DBN1: variants seen among roughly 807,000 people sequenced by gnomAD.
The protein encoded by DBN1 is drebrin.
Under a neutral mutation model 83.5 loss-of-function variants are expected in DBN1, and 21 were observed. The observed-to-expected ratio is 0.25, with a 90% CI of 0.18 to 0.36. DBN1 has a LOEUF of 0.36. DBN1 is among the 10% of genes least tolerant of loss of function. DBN1 has a pLI of 1.00. For missense variants in DBN1, 874 were observed against 935.7 expected, an observed-to-expected ratio of 0.93 and a Z score of 0.86; for synonymous variants, 381 against 384.9, an observed-to-expected ratio of 0.99 and a Z score of 0.12.
intron 1 of DBN1, chr5:177,472,331 C>T: frequency 6.6e-7 from 1 of 1,518,680 alleles, no homozygotes; most frequent in Non-Finnish European, 8.8e-7. Flanking sequence ...CCTCAGTTTC[C>T]TCAAGAAGAA....
At position 177,457,668 on chromosome 5, in the gene DBN1, G is replaced by A. The variant is rs764974700; in HGVS notation, c.2004C>T (p.Tyr668=). The change falls in exon 14 of 15, where the codon TAC becomes TAT. Residue 668 remains tyrosine (Y), a synonymous_variant. Coordinates refer to ENST00000393565, the MANE Select transcript of DBN1 (RefSeq NM_001363541.2). ...LCAKAPPPVF[Y]NKPPEIDITC... ...GCCCAGTACTACCTGGAGGCTTGTT[G>A]TAGAACACAGGAGGCGGAGCCTTGG... 9 of 1,602,244 alleles carry A rather than the reference G, an allele frequency of 5.6e-6. 1 individual carries two copies. In the South Asian group the frequency reaches 6.6e-5, roughly 12 times the overall value.
Position 177,459,274 on chromosome 5 carries a change from G to C in DBN1, c.1094-6C>G, listed in dbSNP as rs913765291. ...GTGGCTGTCCAGGTGGCTGCCTGTG[G>C]AACAAACCCCAGGTGGGTCAGTGAG... On this transcript the variant is annotated splice_region_variant and splice_polypyrimidine_tract_variant and intron_variant, in intron 11 of 14. Transcript: ENST00000393565. The C allele has an allele frequency of 2.2e-5, 35 of 1,604,398 alleles. No homozygotes were observed. Among genetic ancestry groups the C allele is most frequent in the Non-Finnish European group, 2.4e-5 (28 of 1,179,010 alleles).
intron 1 of DBN1, 169 bp downstream of exon 1, chr5:177,473,267 G>A: frequency 3.1e-6 from 1 of 324,704 alleles, no homozygotes; most frequent in Non-Finnish European, 5.4e-6. Context: ...TGGCCCGCCG[G>A]CCCCTCCCCC....
At chr5:177,464,498 A>G (rs11740377) in intron 8 of DBN1, among the ~76,000 whole-genome samples, 74,580 of 150,714 alleles carry the variant, frequency 0.49, 18,854 homozygotes, top group Non-Finnish European at 0.56. Context: ...GGTGGCTCAC[A>G]CCTGTAATTC....
rs1456274058 is a variant in DBN1 at position 177,457,480 on chromosome 5, C to T, written c.2041G>A (p.Ala681Thr). ...PPEIDITCWD[A>T]DPVPEEEEGF... ...TCCTCCTCTTCTGGAACTGGGTCTG[C>T]ATCCCAGCATGTGATGTCGATCTCT... Residue 681 changes from alanine (A) to threonine (T), a missense_variant, in exon 15 of 15, where the codon GCA becomes ACA. Ala to Thr is a moderately conservative substitution (Grantham distance 58). Coordinates refer to ENST00000393565, the MANE Select transcript of DBN1 (RefSeq NM_001363541.2). 1.2e-6 allele frequency: 2 copies of T among 1,614,070 alleles called. No homozygotes were observed. Among genetic ancestry groups the T allele is most frequent in the South Asian group, 1.1e-5 (1 of 91,086 alleles).
rs780856543 is a variant in DBN1 at position 177,462,569 on chromosome 5, G to A, written c.772-1866C>T. ...ACGCAGGATGAGGACCGGGGTCTCC[G>A]GGTGGGTGGCCAGCACAAGGCGGGC... On this transcript the variant is annotated intron_variant, in intron 8 of 14. Transcript: ENST00000393565. Among the ~76,000 whole-genome samples, 144 of 152,294 alleles carry A rather than the reference G, an allele frequency of 9.5e-4. 1 individual carries two copies. Among genetic ancestry groups the A allele is most frequent in the South Asian group, 1.5e-3 (7 of 4,820 alleles).
At chr5:177,469,051 G>A (rs906734029) in intron 1 of DBN1, 152 bp from the exon 2 acceptor site, 16 of 471,294 alleles carry the variant, frequency 3.4e-5, no homozygotes, top group South Asian at 7.2e-5. Flanking sequence ...GCCAGGCATC[G>A]GTTCAGGCGG....
At chr5:177,465,008 G>C (rs1285428533) in intron 8 of DBN1, among the ~76,000 whole-genome samples, 1 of 152,142 alleles carries the variant, frequency 6.6e-6, no homozygotes, top group Admixed American at 6.5e-5. Context: ...CAAAAAATTA[G>C]CCGGACGTGG....
intron 10 of DBN1, 60 bp downstream of exon 10, chr5:177,460,372 A>G: frequency 1.2e-6 from 2 of 1,610,314 alleles, no homozygotes; most frequent in East Asian, 2.2e-5. Flanking sequence ...AGAGTCCCAG[A>G]GAGGCTCAGG....
In DBN1 at chr5:177,466,874, CG is replaced by C; in HGVS notation, c.707+36del. 1 of 1,613,812 alleles carries C rather than the reference CG, an allele frequency of 6.2e-7. No homozygotes were observed. Among genetic ancestry groups the C allele is most frequent in the South Asian group, 1.1e-5 (1 of 91,080 alleles). ...CAGCCAGCACCCGTCAGGGTGCGCC[CG>C]GGGGCCCCTGGAGCGCTCCGGGCGG... On this transcript the variant is annotated intron_variant, in intron 7 of 14. Transcript: ENST00000393565. This position sits in a 1 kb window ranked among gnomAD's most constrained non-coding sequence, Gnocchi z 4.8.
chr5:177,472,024 G>A (rs1034323316), intron 1 of DBN1: 6 of 1,405,688 alleles, frequency 4.3e-6, no homozygotes, highest in African/African-American at 1.5e-5. Flanking sequence ...CTTGCCCAGA[G>A]CTCCTCCCAT....
chr5:177,464,476 T>C (rs1292719680), intron 8 of DBN1, among the ~76,000 whole-genome samples: 2 of 145,072 alleles, frequency 1.4e-5, no homozygotes, highest in Non-Finnish European at 3.0e-5. Context: ...ATAAATAAAC[T>C]TGGCTGGGTG....
intron 8 of DBN1, among the ~76,000 whole-genome samples, chr5:177,465,165 A>G (rs1192564353): frequency 6.6e-6 from 1 of 152,268 alleles, no homozygotes; most frequent in East Asian, 1.9e-4. Context: ...AAAAATTTAA[A>G]AAATAAAAAA....
intron 13 of DBN1, 83 bp downstream of exon 13, chr5:177,457,975 T>A: frequency 6.4e-7 from 1 of 1,569,854 alleles, no homozygotes; most frequent in South Asian, 1.1e-5. Context: ...GGGGTACTGG[T>A]GCAAGCATGA....
At position 177,467,975 on chromosome 5, in the gene DBN1, T is replaced by C; in HGVS notation, c.255+133A>G. The C allele has an allele frequency of 8.1e-7, 1 of 1,229,020 alleles. No individual in the cohort carries two copies. The highest frequency in any genetic ancestry group is 1.5e-5 in the African/African-American group (1 of 65,432). 76.1% of individuals were successfully genotyped at this position (1,229,020 alleles called of 1,614,324 possible). A position where few individuals can be genotyped will look rare whatever the true frequency, so the allele number is the denominator to read the frequency against. On this transcript the variant is annotated intron_variant, in intron 3 of 14. Transcript: ENST00000393565. This position sits in a 1 kb window ranked among gnomAD's most constrained non-coding sequence, Gnocchi z 9.1. Reference sequence around the variant, plus strand: ...GACTGCTCTGGGCCTTCAGTTCCCTTCCCCAGCCCCGGCCGCATACCCAGT... The same window carrying C: ...GACTGCTCTGGGCCTTCAGTTCCCTCCCCCAGCCCCGGCCGCATACCCAGT...
chr5:177,468,773 G>T, intron 2 of DBN1, 71 bp downstream of exon 2: 2 of 1,107,368 alleles, frequency 1.8e-6, no homozygotes, highest in Non-Finnish European at 2.4e-6. Flanking sequence ...CCTACAGCCA[G>T]GTGGGTGGGG....
At chr5:177,465,464 G>A (rs1285274823) in intron 8 of DBN1, among the ~76,000 whole-genome samples, 1 of 152,252 alleles carries the variant, frequency 6.6e-6, no homozygotes, top group African/African-American at 2.4e-5. Flanking sequence ...ATGGATGGTG[G>A]TGGTGGTTAT....
Position 177,466,832 on chromosome 5 carries a change from C to A in DBN1, c.711G>T (p.Arg237Ser), listed in dbSNP as rs749256378. ...CTTCCGCTTCTAAAGTCTGCTGTTT[C>A]CTCCTGGAACGATAAGCAGCCAGCA... ...EREQQIEEHR[R>S]KQQTLEAEEA... Residue 237 changes from arginine (R) to serine (S), a missense_variant, in exon 8 of 15, where the codon AGG becomes AGT. By Grantham distance (110) the Arg-to-Ser change is moderately radical. Transcript: ENST00000393565. The surrounding 1 kb of genome is among the most constrained non-coding windows in gnomAD (Gnocchi z 4.8). 7 of 1,614,036 alleles carry A rather than the reference C, an allele frequency of 4.3e-6. No individual in the cohort carries two copies. Among genetic ancestry groups the A allele is most frequent in the Non-Finnish European group, 5.9e-6 (7 of 1,180,024 alleles).
chr5:177,458,701 T>A lies in DBN1; in HGVS notation c.1271A>T (p.Gln424Leu), dbSNP rs1486836330. Residue 424 changes from glutamine to leucine, a missense_variant, in exon 13 of 15, where the codon CAG becomes CTG. Coordinates refer to ENST00000393565, the MANE Select transcript of DBN1 (RefSeq NM_001363541.2). ...PPPPPPAQET[Q>L]EPSPILDSEE... ...ACTGTCTAGGATGGGGCTGGGCTCC[T>A]GGGTCTCTGTCACAGCACAGGCAGA... 1.3e-6 allele frequency: 2 copies of A among 1,518,844 alleles called. No individual in the cohort carries two copies. The highest frequency in any genetic ancestry group is 1.8e-6 in the Non-Finnish European group (2 of 1,140,240). 94.1% of individuals were successfully genotyped at this position (1,518,844 alleles called of 1,614,324 possible). A position where few individuals can be genotyped will look rare whatever the true frequency, so the allele number is the denominator to read the frequency against.
Sources: allele counts gnomAD v4.1 joint callset (sites outside exome capture counted in the v4.1 genomes callset), GRCh38; gene constraint gnomAD v4.1.1; non-coding constraint Gnocchi (gnomAD v3.1); transcripts MANE v1.5; gene names NCBI Gene and HGNC (gene_info 2026-07-23, HGNC 2026-07-21).